The following ZNF799 variants were observed in gnomAD, a reference collection of about 807,000 sequenced individuals.
ZNF799 encodes zinc finger protein 14.
ZNF799 carries 28 observed loss-of-function variants against 41.0 expected under a neutral mutation model. The ratio of observed to expected loss-of-function variants is 0.68; its 90% confidence interval spans 0.51 to 0.94. The LOEUF is 0.94. Among genes scored for constraint, ZNF799 ranks in the 40% least tolerant of loss-of-function variants. ZNF799 has a pLI of 0.00. For missense variants in ZNF799, 716 were observed against 764.3 expected (o/e 0.94, Z 0.74); for synonymous variants, 213 against 252.9 (o/e 0.84, Z 1.50).
chr19:12,413,855 G>A, the ZNF799 span, among the ~76,000 whole-genome samples: 1 of 152,180 alleles, frequency 6.6e-6, no homozygotes. Flanking sequence ...TCCGCAGACC[G>A]GGTAGTCGCC....
rs761914889 is a variant in ZNF799, at chr19:12,393,302, C to T, written c.125G>A (p.Cys42Tyr). The T allele has an allele frequency of 1.3e-5, 12 of 927,828 alleles. No individual in the cohort carries two copies. The highest frequency in any genetic ancestry group is 2.5e-4 in the Middle Eastern group (1 of 4,024). 57.5% of individuals were successfully genotyped at this position (927,828 alleles called of 1,614,324 possible). The change falls in exon 2 of 4, where the codon TGT becomes TAT. Residue 42 changes from cysteine (C) to tyrosine (Y), a missense_variant. Around this residue, in one of 2 missense-constraint regions of ZNF799, gnomAD observed 18 missense variants for 50.7 expected, o/e 0.36. Transcript: ENST00000430385. The part of the protein sequence containing the change: ...VMQETIRNLD[C>Y]VGMKWKDQNI... ...AAATGCGATGTCATCCTTACCTACA[C>T]AATCCAGGTTCCTGATGGTTTCCTG...
chr19:12,412,865 C>A, the ZNF799 span, among the ~76,000 whole-genome samples: 2 of 151,700 alleles, frequency 1.3e-5, no homozygotes, highest in Non-Finnish European at 2.9e-5. Flanking sequence ...CATGGAGAAA[C>A]CCTATCTCTA....
Position 12,401,181 on chromosome 19 carries a change from G to C in ZNF799, c.-111C>G, listed in dbSNP as rs1969979174. 6 of 1,590,818 alleles carry C rather than the reference G, an allele frequency of 3.8e-6. No homozygotes were observed. In the East Asian group the frequency reaches 1.3e-4, roughly 36 times the overall value. On this transcript the variant is annotated 5_prime_UTR_variant, in exon 1 of 4. Coordinates refer to ENST00000430385, the MANE Select transcript of ZNF799 (RefSeq NM_001080821.3). ...TTCCAGGTCGTCTCTTAGCTACAGA[G>C]CCGAGCACCGAGCGCCCAGCGCAGG... is the stretch of plus-strand genomic sequence containing the variant.
At chr19:12,396,206 C>T (rs1969891864) in intron 1 of ZNF799, among the ~76,000 whole-genome samples, 1 of 152,136 alleles carries the variant, frequency 6.6e-6, no homozygotes, top group Non-Finnish European at 1.5e-5. Flanking sequence ...TTGAGATAAG[C>T]CATCTCTGAG....
the ZNF799 span, among the ~76,000 whole-genome samples, chr19:12,411,574 T>C: frequency 6.6e-6 from 1 of 151,958 alleles, no homozygotes; most frequent in African/African-American, 2.4e-5. Context: ...TGAATTCTTA[T>C]TCACTTGATA....
Position 12,391,305 on chromosome 19 carries a change from A to G in ZNF799, c.1093T>C (p.Tyr365His). 6.2e-7 allele frequency: 1 copy of G among 1,614,158 alleles called. No homozygotes were observed. Residue 365 changes from tyrosine (Y) to histidine (H), a missense_variant, in exon 4 of 4, where the codon TAT becomes CAT. Transcript: ENST00000430385. ...GCTTTCCCACACTGCTTGCATTCATAGAGTTTCTCTCCAGTGTGAGTTCTT... is the reference window on the plus strand; with the variant it reads ...GCTTTCCCACACTGCTTGCATTCATGGAGTTTCTCTCCAGTGTGAGTTCTT... ...HERTHTGEKL[Y>H]ECKQCGKALS...
chr19:12,405,525 A>T (rs942668220), upstream of ZNF799, among the ~76,000 whole-genome samples: 5 of 152,222 alleles, frequency 3.3e-5, no homozygotes, highest in African/African-American at 1.2e-4. Flanking sequence ...GGAATGCCCC[A>T]GTACAGAGCC....
the ZNF799 span, among the ~76,000 whole-genome samples, chr19:12,408,355 G>C: frequency 6.6e-6 from 1 of 152,078 alleles, no homozygotes; most frequent in African/African-American, 2.4e-5. Context: ...AAAAAAAGAA[G>C]TTGAAAAAAC....
chr19:12,405,279 A>G (rs1022942759), upstream of ZNF799, among the ~76,000 whole-genome samples: 1 of 152,046 alleles, frequency 6.6e-6, no homozygotes, highest in African/African-American at 2.4e-5. Context: ...CTAATACACC[A>G]TCTAAATCCT....
intron 1 of ZNF799, chr19:12,393,670 T>C: frequency 7.4e-7 from 1 of 1,346,240 alleles, no homozygotes; most frequent in Non-Finnish European, 9.6e-7. Flanking sequence ...ACTGAGTGAG[T>C]GAATCACATA....
At chr19:12,395,544 A>T (rs1200432254) in intron 1 of ZNF799, among the ~76,000 whole-genome samples, 1 of 152,234 alleles carries the variant, frequency 6.6e-6, no homozygotes, top group Non-Finnish European at 1.5e-5. Context: ...CCTGTAGCCA[A>T]CTGGAAGAAC....
At chr19:12,399,260 C>G (rs1245884608) in intron 1 of ZNF799, among the ~76,000 whole-genome samples, 44 of 152,236 alleles carry the variant, frequency 2.9e-4, no homozygotes, top group Admixed American at 2.9e-3. Flanking sequence ...CCAGGAGACA[C>G]TGCCTTGTGT....
Position 12,401,193 on chromosome 19 carries a change from G to T in ZNF799, c.-123C>A, listed in dbSNP as rs375409041. On this transcript the variant is annotated 5_prime_UTR_variant, in exon 1 of 4. Coordinates refer to ENST00000430385, the MANE Select transcript of ZNF799 (RefSeq NM_001080821.3). ...TCTTAGCTACAGAGCCGAGCACCGA[G>T]CGCCCAGCGCAGGTGGGTGGAGAAG... The T allele has an allele frequency of 7.9e-5, 125 of 1,575,362 alleles. No individual in the cohort carries two copies. The highest frequency in any genetic ancestry group is 3.6e-4 in the African/African-American group (27 of 74,470).
chr19:12,393,575 T>C, intron 1 of ZNF799, 152 bp from the exon 2 acceptor site: 2 of 1,427,838 alleles, frequency 1.4e-6, no homozygotes, highest in South Asian at 1.5e-5. Flanking sequence ...CTACACTCAC[T>C]TTCTCCTACA....
At position 12,392,018 on chromosome 19, in the gene ZNF799, C is replaced by T. The variant is rs1969831126; in HGVS notation, c.380G>A (p.Gly127Glu). ...TTCATGATACTCATATGGTTTGTGC[C>T]CAGCACCAACTCTGATGTAACAATT... ...SLNCYIRVGA[G>E]HKPYEYHECG... The change falls in exon 4 of 4, where the codon GGG (glycine) becomes GAG (glutamate). Residue 127 changes from glycine to glutamate, a missense_variant. Physicochemically the swap from Gly to Glu is moderately conservative, Grantham distance 98. This residue lies in a region of ZNF799 where 698 missense variants were observed against 713.6 expected (regional missense o/e 0.98). Transcript: ENST00000430385. 1.2e-6 allele frequency: 2 copies of T among 1,614,078 alleles called. No individual in the cohort carries two copies. Among genetic ancestry groups the T allele is most frequent in the Non-Finnish European group, 1.7e-6 (2 of 1,180,008 alleles).
the ZNF799 span, among the ~76,000 whole-genome samples, chr19:12,413,257 C>G: frequency 6.6e-6 from 1 of 152,108 alleles, no homozygotes; most frequent in Non-Finnish European, 1.5e-5. Flanking sequence ...TTTATAACCT[C>G]TGAATTGTAC....
At position 12,401,236 on chromosome 19, in the gene ZNF799, A is replaced by C; in HGVS notation, c.-166T>G. On this transcript the variant is annotated 5_prime_UTR_variant, in exon 1 of 4. Coordinates refer to ENST00000430385, the MANE Select transcript of ZNF799 (RefSeq NM_001080821.3). ...TGGAGAAGACGCCGCGGGCTTTTTC[A>C]ACCACACACTCCTCTGGGAAGCGCG... 6.9e-7 allele frequency: 1 copy of C among 1,456,116 alleles called. No homozygotes were observed. 90.2% of individuals were successfully genotyped at this position (1,456,116 alleles called of 1,614,324 possible).
At chr19:12,409,527 C>T in the ZNF799 span, among the ~76,000 whole-genome samples, 2 of 152,214 alleles carry the variant, frequency 1.3e-5, no homozygotes, top group Non-Finnish European at 2.9e-5. Context: ...CTGAACTCAA[C>T]AGCATCATTA....
the ZNF799 span, among the ~76,000 whole-genome samples, chr19:12,410,383 C>T: frequency 1.3e-5 from 2 of 150,754 alleles, no homozygotes; most frequent in African/African-American, 2.4e-5. Flanking sequence ...ATCCTACCAC[C>T]TTGGCCTCCC....
Sources: allele counts gnomAD v4.1 joint callset (sites outside exome capture counted in the v4.1 genomes callset), GRCh38; gene constraint gnomAD v4.1.1; regional missense constraint gnomAD v4.1.1; transcripts MANE v1.5; gene names NCBI Gene and HGNC (gene_info 2026-07-23, HGNC 2026-07-21).